The following KLF12 variants were observed in gnomAD, a reference collection of about 807,000 sequenced individuals.
KLF12 encodes Krueppel-like factor 12.
Under a neutral mutation model 37.8 loss-of-function variants are expected in KLF12, and 9 were observed. The observed-to-expected ratio is 0.24, with a 90% confidence interval of 0.14 to 0.42. The LOEUF (loss-of-function observed/expected upper bound fraction) is 0.42, where lower values mean the gene tolerates loss of function less well. Among genes scored for constraint, KLF12 ranks in the 10% least tolerant of loss-of-function variants. The pLI is 1.00. For synonymous variants in KLF12, 208 were observed against 202.1 expected (o/e 1.03, Z -0.25); for missense variants, 411 against 516.0 (o/e 0.80, Z 1.97).
At chr13:73,968,915 C>T (rs1390375498) in intron 2 of KLF12, among the ~76,000 whole-genome samples, 2 of 152,052 alleles carry the variant, frequency 1.3e-5, no homozygotes, top group Non-Finnish European at 2.9e-5. Flanking sequence ...CACCTCTCCC[C>T]TGAGTTCTGG....
intron 1 of KLF12, among the ~76,000 whole-genome samples, chr13:74,049,687 AT>A (rs1445358968): frequency 6.6e-6 from 1 of 152,206 alleles, no homozygotes; most frequent in African/African-American, 2.4e-5. Flanking sequence ...TAATAATAAA[AT>A]TGGAATTCCA....
chr13:73,737,266 C>T (rs111699787), intron 6 of KLF12, among the ~76,000 whole-genome samples: 2,590 of 152,202 alleles, frequency 0.017, 63 homozygotes, highest in African/African-American at 0.055. Context: ...ACAACTGTAG[C>T]CTTTCTTTGA....
chr13:74,149,622 ACT>A, the KLF12 span, among the ~76,000 whole-genome samples: 4 of 151,548 alleles, frequency 2.6e-5, no homozygotes, highest in Non-Finnish European at 5.9e-5. Context: ...CTCCTTATGG[ACT>A]CTTCTCAGGG....
chr13:74,203,093 T>C, the KLF12 span, among the ~76,000 whole-genome samples: 7 of 152,118 alleles, frequency 4.6e-5, no homozygotes, highest in African/African-American at 1.2e-4. Flanking sequence ...GGGGTTCCAT[T>C]AAGAAAGTCA....
chr13:73,929,897 G>GA lies in KLF12; in HGVS notation c.123+14083dup, dbSNP rs1593743622. 2.0e-5 allele frequency among the ~76,000 whole-genome samples: 3 copies of GA among 152,166 alleles called. No individual in the cohort carries two copies. The East Asian group carries it at 5.8e-4, about 29-fold the overall frequency. ...GCAAGAGAGTCTAGGAAATGCAGAT[G>GA]AAAAAATAAAGATTCTATCTTGGGA... On this transcript the variant is annotated intron_variant, in intron 3 of 7. Coordinates refer to ENST00000377669, the MANE Select transcript of KLF12 (RefSeq NM_007249.5).
chr13:74,098,201 C>G (rs1464044155), intron 1 of KLF12, among the ~76,000 whole-genome samples: 3 of 152,148 alleles, frequency 2.0e-5, no homozygotes, highest in Non-Finnish European at 4.4e-5. Flanking sequence ...ACAGCTGATG[C>G]TGAACTCACT....
intron 1 of KLF12, among the ~76,000 whole-genome samples, chr13:74,095,002 T>C (rs1875896628): frequency 6.6e-6 from 1 of 152,246 alleles, no homozygotes; most frequent in Non-Finnish European, 1.5e-5. Flanking sequence ...TCCTACACAT[T>C]GTATGTAGTA....
the KLF12 span, among the ~76,000 whole-genome samples, chr13:74,228,915 A>T: frequency 6.6e-6 from 1 of 152,060 alleles, no homozygotes; most frequent in Non-Finnish European, 1.5e-5. Context: ...GAAATCAAAC[A>T]CTGCTGCTCC....
intron 1 of KLF12, among the ~76,000 whole-genome samples, chr13:74,094,668 C>T (rs989222765): frequency 2.0e-5 from 3 of 151,684 alleles, no homozygotes; most frequent in Non-Finnish European, 2.9e-5. Context: ...GGCCCCACCT[C>T]GGCTCACTGC....
chr13:74,086,787 C>A (rs1218339082), intron 1 of KLF12, among the ~76,000 whole-genome samples: 1 of 152,128 alleles, frequency 6.6e-6, no homozygotes, highest in East Asian at 1.9e-4. Flanking sequence ...ACAGATAACA[C>A]AAACAGTAGA....
chr13:73,703,169 T>C (rs766444976), intron 7 of KLF12, among the ~76,000 whole-genome samples: 7 of 152,120 alleles, frequency 4.6e-5, no homozygotes, highest in Non-Finnish European at 1.0e-4. Context: ...GCAGCACTGT[T>C]GGGAAACTCA....
At chr13:73,862,995 C>G (rs1886004157) in intron 3 of KLF12, among the ~76,000 whole-genome samples, 1 of 152,120 alleles carries the variant, frequency 6.6e-6, no homozygotes, top group Non-Finnish European at 1.5e-5. Context: ...TACTCATAGA[C>G]AGGATCACAG....
the KLF12 span, among the ~76,000 whole-genome samples, chr13:74,229,452 T>G: frequency 1.3e-5 from 2 of 152,158 alleles, no homozygotes; most frequent in Non-Finnish European, 2.9e-5. Context: ...CTCAGCCCCA[T>G]GGTGTGCTCA....
chr13:74,221,665 A>G, the KLF12 span, among the ~76,000 whole-genome samples: 1 of 152,122 alleles, frequency 6.6e-6, no homozygotes, highest in African/African-American at 2.4e-5. Context: ...GCTATTTTAT[A>G]ATTGCTTATT....
intron 3 of KLF12, among the ~76,000 whole-genome samples, chr13:73,911,513 T>C (rs1258347489): frequency 1.1e-4 from 17 of 152,200 alleles, no homozygotes; most frequent in Admixed American, 7.2e-4. Context: ...ATGTACTCTG[T>C]AGATTAACAG....
intron 1 of KLF12, among the ~76,000 whole-genome samples, chr13:73,995,392 T>TA (rs11417813): frequency 0.074 from 11,228 of 151,338 alleles, 627 homozygotes; most frequent in African/African-American, 0.16. Flanking sequence ...AATGGCCAAG[T>TA]AAAAAAAAGG....
intron 3 of KLF12, among the ~76,000 whole-genome samples, chr13:73,930,627 A>G (rs578112498): frequency 6.6e-6 from 1 of 152,326 alleles, no homozygotes; most frequent in South Asian, 2.1e-4. Context: ...ATGATAAGAC[A>G]TAGTATTTCT....
At chr13:74,021,099 C>T (rs1892830229) in intron 1 of KLF12, among the ~76,000 whole-genome samples, 1 of 152,042 alleles carries the variant, frequency 6.6e-6, no homozygotes, top group African/African-American at 2.4e-5. Context: ...AAGGTGGTTT[C>T]ACCTAAAGAC....
At position 74,054,851 on chromosome 13, in the gene KLF12, A is replaced by G. The variant is rs147719891; in HGVS notation, c.-31-59798T>C. Among the ~76,000 whole-genome samples, 149 of 152,362 alleles carry G rather than the reference A, an allele frequency of 9.8e-4. 1 individual carries two copies. The highest frequency in any genetic ancestry group is 3.6e-3 in the African/African-American group (148 of 41,584). On this transcript the variant is annotated intron_variant, in intron 1 of 7. Coordinates refer to ENST00000377669, the MANE Select transcript of KLF12 (RefSeq NM_007249.5). ...AGAAAAATTACTCATAAGCTTAAAC[A>G]TCTTCAGTGCACATATACACTAATT...
Sources: allele counts gnomAD v4.1 joint callset (sites outside exome capture counted in the v4.1 genomes callset), GRCh38; gene constraint gnomAD v4.1.1; transcripts MANE v1.5; gene names NCBI Gene and HGNC (gene_info 2026-07-23, HGNC 2026-07-21).